Variants in KIT observed in about 807,000 individuals in gnomAD.
KIT encodes the protein KIT proto-oncogene, receptor tyrosine kinase.
In KIT, 16 loss-of-function variants were observed where a neutral mutation model predicts 105.7. The observed-to-expected ratio is 0.15, with a 90% CI of 0.10 to 0.23. KIT has a LOEUF of 0.23. KIT is among the 10% of genes least tolerant of loss of function. KIT has a pLI of 1.00. For synonymous variants in KIT, 438 were observed against 441.1 expected, an observed-to-expected ratio of 0.99 and a Z score of 0.09; for missense variants, 858 against 1,213.8, an observed-to-expected ratio of 0.71 and a Z score of 4.36.
intron 14 of KIT, 81 bp from the exon 15 acceptor site, chr4:54,731,247 A>T (rs1385403492): frequency 2.2e-6 from 2 of 909,068 alleles, no homozygotes; most frequent in Non-Finnish European, 3.7e-6. Context: ...AGCAAAGGGG[A>T]TGAGGAGGTA....
At chr4:54,707,807 A>T (rs1720887903) in intron 6 of KIT, among the ~76,000 whole-genome samples, 1 of 152,168 alleles carries the variant, frequency 6.6e-6, no homozygotes, top group Non-Finnish European at 1.5e-5. Context: ...CATGGTTCTA[A>T]GTACTTTACG....
At chr4:54,728,523 C>T (rs1362510911) in intron 13 of KIT, among the ~76,000 whole-genome samples, 1 of 152,110 alleles carries the variant, frequency 6.6e-6, no homozygotes, top group African/African-American at 2.4e-5. Context: ...CAAATATACA[C>T]CAAATGAGGC....
At chr4:54,682,592 A>AT (rs553105592) in intron 1 of KIT, among the ~76,000 whole-genome samples, 9 of 151,478 alleles carry the variant, frequency 5.9e-5, no homozygotes, top group Non-Finnish European at 8.8e-5. Flanking sequence ...TATCCGGCTA[A>AT]TTTTTTTGGT....
intron 8 of KIT, among the ~76,000 whole-genome samples, chr4:54,724,771 T>A (rs1401191717): frequency 1.3e-5 from 2 of 150,718 alleles, no homozygotes; most frequent in African/African-American, 4.9e-5. Flanking sequence ...AAAAAAAAAA[T>A]TGCAAAAAAA....
chr4:54,686,485 G>C (rs566759670), intron 1 of KIT, among the ~76,000 whole-genome samples: 2 of 152,262 alleles, frequency 1.3e-5, no homozygotes, highest in East Asian at 3.9e-4. Context: ...TACAATGAAA[G>C]GTAAGGAGGA....
rs769227254 is a variant in KIT at position 54,736,617 on chromosome 4, G to C, written c.2596+8G>C. The C allele has an allele frequency of 2.5e-6, 4 of 1,608,942 alleles. No homozygotes were observed. In the South Asian group the frequency reaches 4.4e-5, roughly 18 times the overall value. On this transcript the variant is annotated splice_region_variant and intron_variant, in intron 18 of 20. Transcript: ENST00000288135. The stretch of plus-strand genomic sequence containing the variant: ...GGGAGCTGTTCTCTTTAGGTAAAAT[G>C]ATCCTTGCCAAAGACAACTTCATTA...
intron 9 of KIT, 134 bp from the exon 10 acceptor site, chr4:54,727,084 C>A: frequency 1.3e-6 from 1 of 780,590 alleles, no homozygotes. Context: ...CAAGGTGAAG[C>A]TCTGAGACTC....
rs369001617 is a variant in KIT, at chr4:54,718,668, C to T, written c.1232-4916C>T. On this transcript the variant is annotated intron_variant, in intron 7 of 20. Coordinates refer to ENST00000288135, the MANE Select transcript of KIT (RefSeq NM_000222.3). ...CCCTTTATAGTAAAAGTTTGCTGAG[C>T]CCTAGTTGAGAAAATCACTTCATTA... is the stretch of plus-strand genomic sequence containing the variant. 9.2e-5 allele frequency among the ~76,000 whole-genome samples: 14 copies of T among 152,166 alleles called. No individual in the cohort carries two copies. The South Asian group carries it at 2.9e-3, about 32-fold the overall frequency.
intron 1 of KIT, among the ~76,000 whole-genome samples, chr4:54,664,582 A>ATTATTTATTTATTTAT (rs3033777): frequency 3.5e-5 from 5 of 144,396 alleles, no homozygotes; most frequent in African/African-American, 7.8e-5. Flanking sequence ...GTCTGTTTTT[A>ATTATTTATTTATTTAT]TTATTTATTT....
intron 1 of KIT, among the ~76,000 whole-genome samples, chr4:54,671,814 A>G (rs947161057): frequency 2.0e-5 from 3 of 152,194 alleles, no homozygotes; most frequent in Admixed American, 6.5e-5. Context: ...AGGATAGTGT[A>G]ATGAACCCTC....
chr4:54,710,275 G>T (rs1195111005), intron 7 of KIT, among the ~76,000 whole-genome samples: 4 of 152,216 alleles, frequency 2.6e-5, no homozygotes, highest in African/African-American at 4.8e-5. Context: ...GCATTTCCAA[G>T]GAAGGTGCCT....
At chr4:54,660,827 AAG>A (rs1347326759) in intron 1 of KIT, among the ~76,000 whole-genome samples, 1 of 152,170 alleles carries the variant, frequency 6.6e-6, no homozygotes, top group Non-Finnish European at 1.5e-5. Context: ...AATCTGTTGT[AAG>A]ACTCATTCAA....
intron 1 of KIT, among the ~76,000 whole-genome samples, chr4:54,658,454 G>C (rs997442193): frequency 3.3e-5 from 5 of 152,104 alleles, no homozygotes; most frequent in Non-Finnish European, 5.9e-5. Context: ...GCCTTCTCTT[G>C]CCGTGCGAGG....
At chr4:54,696,774 C>T (rs551067175) in intron 2 of KIT, among the ~76,000 whole-genome samples, 2 of 152,312 alleles carry the variant, frequency 1.3e-5, no homozygotes, top group East Asian at 1.9e-4. Context: ...TGTGCCTCTC[C>T]GCTTTATCAG....
In KIT at chr4:54,714,008, T is replaced by A. The variant is rs140751267; in HGVS notation, c.1231+4469T>A. 2.5e-4 allele frequency among the ~76,000 whole-genome samples: 38 copies of A among 152,274 alleles called. No individual in the cohort carries two copies. The East Asian group carries it at 7.3e-3, about 29-fold the overall frequency. On this transcript the variant is annotated intron_variant, in intron 7 of 20. Coordinates refer to ENST00000288135, the MANE Select transcript of KIT (RefSeq NM_000222.3). ...CTTCTAGTGGAAACTGATAGGAATTTTCATTAAAAAACAAAGCAAAACCAA... is the reference window on the plus strand; with the variant it reads ...CTTCTAGTGGAAACTGATAGGAATTATCATTAAAAAACAAAGCAAAACCAA...
At chr4:54,722,833 T>TTA (rs1298176730) in intron 7 of KIT, among the ~76,000 whole-genome samples, 5 of 135,470 alleles carry the variant, frequency 3.7e-5, no homozygotes, top group Non-Finnish European at 7.6e-5. Flanking sequence ...ATATATGTAT[T>TTA]TATATATATT....
chr4:54,703,968 G>A, intron 5 of KIT, 76 bp downstream of exon 5: 4 of 1,147,374 alleles, frequency 3.5e-6, no homozygotes, highest in East Asian at 2.3e-5. Flanking sequence ...TCTTTTTTAT[G>A]TAAATGGAAT....
chr4:54,687,062 C>G (rs1719357374), intron 1 of KIT, among the ~76,000 whole-genome samples: 1 of 152,090 alleles, frequency 6.6e-6, no homozygotes, highest in Admixed American at 6.5e-5. Context: ...TTCGAAAGCT[C>G]ATTTATTTCC....
At chr4:54,697,474 G>A (rs1349460967) in intron 2 of KIT, among the ~76,000 whole-genome samples, 1 of 152,088 alleles carries the variant, frequency 6.6e-6, no homozygotes, top group African/African-American at 2.4e-5. Context: ...GGTTTGTCTG[G>A]CTTCTATGAG....
Sources: allele counts gnomAD v4.1 joint callset (sites outside exome capture counted in the v4.1 genomes callset), GRCh38; gene constraint gnomAD v4.1.1; transcripts MANE v1.5; gene names NCBI Gene and HGNC (gene_info 2026-07-23, HGNC 2026-07-21).